The following IPCEF1 variants were observed in gnomAD, a reference collection of about 807,000 sequenced individuals.
The protein encoded by IPCEF1 is interactor protein for cytohesin exchange factors 1.
A neutral mutation model predicts 50.9 loss-of-function variants in IPCEF1; 31 were observed. That is an observed-to-expected ratio of 0.61 (90% CI 0.46 to 0.82). The LOEUF (loss-of-function observed/expected upper bound fraction) is 0.82, where lower values mean the gene tolerates loss of function less well. Among genes scored for constraint, IPCEF1 ranks in the 40% least tolerant of loss-of-function variants. The pLI, the probability that IPCEF1 is intolerant of heterozygous loss-of-function variation, is 0.00. For synonymous variants in IPCEF1, 181 were observed against 192.0 expected, an observed-to-expected ratio of 0.94 and a Z score of 0.47; for missense variants, 458 against 514.0, an observed-to-expected ratio of 0.89 and a Z score of 1.05.
chr6:154,308,984 G>A (rs910204204), intron 1 of IPCEF1, among the ~76,000 whole-genome samples: 3 of 151,892 alleles, frequency 2.0e-5, no homozygotes, highest in African/African-American at 7.3e-5. Flanking sequence ...ATCTACATTT[G>A]GTTTTTTTGT....
At chr6:154,213,111 A>G in intron 8 of IPCEF1, 1 of 453,568 alleles carries the variant, frequency 2.2e-6, no homozygotes, top group Non-Finnish European at 4.0e-6. Flanking sequence ...TGGGGAAAAT[A>G]AAATAATTCC....
At chr6:154,180,623 C>G (rs888369931) in intron 10 of IPCEF1, among the ~76,000 whole-genome samples, 1 of 152,042 alleles carries the variant, frequency 6.6e-6, no homozygotes, top group East Asian at 1.9e-4. Flanking sequence ...GTCGAGAACA[C>G]TGTATGCAGA....
At chr6:154,238,468 G>A (rs1305232177) in intron 5 of IPCEF1, among the ~76,000 whole-genome samples, 2 of 152,196 alleles carry the variant, frequency 1.3e-5, no homozygotes, top group East Asian at 1.9e-4. Context: ...GTTTCTCCAT[G>A]TTGGTCAGGC....
intron 5 of IPCEF1, among the ~76,000 whole-genome samples, chr6:154,224,598 C>T (rs1454507057): frequency 6.6e-6 from 1 of 152,008 alleles, no homozygotes; most frequent in Non-Finnish European, 1.5e-5. Flanking sequence ...GTAATTTCAG[C>T]TACTTGGGAA....
At chr6:154,279,849 A>T (rs1367835977) in intron 2 of IPCEF1, among the ~76,000 whole-genome samples, 3 of 152,250 alleles carry the variant, frequency 2.0e-5, no homozygotes. Flanking sequence ...GACAAAAATG[A>T]GAAAAGACTT....
At chr6:154,287,146 T>C (rs569716280) in intron 2 of IPCEF1, among the ~76,000 whole-genome samples, 87 of 132,618 alleles carry the variant, frequency 6.6e-4, no homozygotes, top group African/African-American at 2.3e-3. Context: ...TGTGTAGCAC[T>C]TTGCCCTTCT....
rs1252662369 is a variant in IPCEF1, at chr6:154,281,894, C to T, written c.-18+7819G>A. ...TGGCACACACCTGTAATCCCAGCTA[C>T]GTGGGAGGCTGAGACAGGAGAATAA... On this transcript the variant is annotated intron_variant, in intron 2 of 11. Transcript: ENST00000367220. 6.6e-5 allele frequency among the ~76,000 whole-genome samples: 10 copies of T among 152,136 alleles called. 1 individual carries two copies. Among genetic ancestry groups the T allele is most frequent in the Admixed American group, 4.6e-4 (7 of 15,270 alleles).
intron 5 of IPCEF1, among the ~76,000 whole-genome samples, chr6:154,242,106 C>T (rs369831209): frequency 2.6e-5 from 4 of 152,254 alleles, no homozygotes; most frequent in Non-Finnish European, 1.5e-5. Context: ...TCAATATAAT[C>T]GCTAACACAG....
chr6:154,226,032 C>T (rs185673984), intron 5 of IPCEF1, among the ~76,000 whole-genome samples: 1 of 152,336 alleles, frequency 6.6e-6, no homozygotes, highest in Admixed American at 6.5e-5. Flanking sequence ...ATTACTGCTG[C>T]TCCCCTTTTT....
intron 10 of IPCEF1, among the ~76,000 whole-genome samples, chr6:154,185,149 T>TA (rs1647964262): frequency 6.6e-6 from 1 of 152,178 alleles, no homozygotes; most frequent in Non-Finnish European, 1.5e-5. Context: ...CTGAGCCTCT[T>TA]ACCATGATAT....
intron 11 of IPCEF1, among the ~76,000 whole-genome samples, chr6:154,163,437 A>T (rs1799183941): frequency 6.6e-6 from 1 of 152,206 alleles, no homozygotes; most frequent in Non-Finnish European, 1.5e-5. Flanking sequence ...TCCTAATTAA[A>T]TATCAATTCC....
At chr6:154,256,029 T>C (rs1010447723) in intron 3 of IPCEF1, among the ~76,000 whole-genome samples, 1 of 152,210 alleles carries the variant, frequency 6.6e-6, no homozygotes, top group African/African-American at 2.4e-5. Context: ...TTTCTTAGCA[T>C]TGTTATTTGT....
chr6:154,191,969 GA>G (rs1039230572), intron 10 of IPCEF1, among the ~76,000 whole-genome samples: 21 of 149,774 alleles, frequency 1.4e-4, no homozygotes, highest in African/African-American at 2.2e-4. Context: ...GCCCACAACT[GA>G]AAAAAAAAGT....
At chr6:154,258,746 C>T (rs563738951) in intron 3 of IPCEF1, among the ~76,000 whole-genome samples, 3 of 152,194 alleles carry the variant, frequency 2.0e-5, no homozygotes, top group Non-Finnish European at 4.4e-5. Context: ...CGTCTACAGT[C>T]TAGATCCTCA....
chr6:154,241,155 G>T (rs1780547450), intron 5 of IPCEF1, among the ~76,000 whole-genome samples: 1 of 148,930 alleles, frequency 6.7e-6, no homozygotes, highest in Non-Finnish European at 1.5e-5. Context: ...AGAATCGCTT[G>T]AACCCGGGAG....
intron 9 of IPCEF1, among the ~76,000 whole-genome samples, chr6:154,208,265 G>A: frequency 6.6e-6 from 1 of 152,142 alleles, no homozygotes; most frequent in Non-Finnish European, 1.5e-5. Flanking sequence ...GCTCCTTGCA[G>A]TACCACACAC....
At chr6:154,347,533 C>T (rs1784054586) in intron 1 of IPCEF1, among the ~76,000 whole-genome samples, 1 of 152,258 alleles carries the variant, frequency 6.6e-6, no homozygotes, top group Non-Finnish European at 1.5e-5. Flanking sequence ...CCTCCATGTG[C>T]CACACAGCCA....
In IPCEF1 at chr6:154,329,546, G is replaced by A. The variant is rs142253648; in HGVS notation, c.-62+27126C>T. Among the ~76,000 whole-genome samples, 15 of 151,272 alleles carry A rather than the reference G, an allele frequency of 9.9e-5. No homozygotes were observed. The South Asian group carries it at 1.0e-3, about 11-fold the overall frequency. The stretch of plus-strand genomic sequence containing the variant: ...CAGGAGGCTGCAGTGAGCCATGACC[G>A]CGCCACTGCCCTCCAGCCTGAGTGA... On this transcript the variant is annotated intron_variant, in intron 1 of 11. Transcript: ENST00000367220.
chr6:154,319,853 A>C (rs1377876113), intron 1 of IPCEF1, among the ~76,000 whole-genome samples: 3 of 152,232 alleles, frequency 2.0e-5, no homozygotes, highest in Admixed American at 2.0e-4. Context: ...TTTTGGAAAG[A>C]GAGAAAATTC....
Sources: gnomAD v4.1 joint callset for allele counts (sites outside exome capture counted in the v4.1 genomes callset) on GRCh38, gnomAD v4.1.1 for gene constraint, MANE v1.5 for transcripts, NCBI Gene and HGNC (gene_info 2026-07-23, HGNC 2026-07-21) for gene names.